Variants in SLC44A5 observed in about 807,000 individuals in gnomAD.
SLC44A5 encodes the protein choline transporter-like protein 5.
A neutral mutation model predicts 101.8 loss-of-function variants in SLC44A5; 57 were observed. That is an observed-to-expected ratio of 0.56 (90% CI 0.45 to 0.70). The LOEUF (loss-of-function observed/expected upper bound fraction) is 0.70, where lower values mean the gene tolerates loss of function less well. Ranked by LOEUF, SLC44A5 falls within the 30% of genes least tolerant of loss-of-function variation. The pLI is 0.00. For synonymous variants in SLC44A5, 281 were observed against 290.9 expected (o/e 0.97, Z 0.35); for missense variants, 737 against 853.1 (o/e 0.86, Z 1.70).
chr1:75,600,785 G>A (rs1349063147), intron 1 of SLC44A5, among the ~76,000 whole-genome samples: 4 of 152,134 alleles, frequency 2.6e-5, no homozygotes, highest in African/African-American at 9.7e-5. Context: ...TAGGAGTGGA[G>A]CAATAGGCTA....
intron 5 of SLC44A5, among the ~76,000 whole-genome samples, chr1:75,296,373 T>C (rs1570602104): frequency 6.6e-6 from 1 of 151,882 alleles, no homozygotes; most frequent in Non-Finnish European, 1.5e-5. Context: ...TTTCTTTTTT[T>C]TTTTTTTTAA....
chr1:75,547,263 C>T (rs1671701508), intron 1 of SLC44A5, among the ~76,000 whole-genome samples: 1 of 152,112 alleles, frequency 6.6e-6, no homozygotes, highest in Non-Finnish European at 1.5e-5. Context: ...TAGCCAACAC[C>T]ATAGCCATCT....
chr1:75,214,729 G>T, intron 19 of SLC44A5, 51 bp from the exon 20 acceptor site: 1 of 1,442,382 alleles, frequency 6.9e-7, no homozygotes, highest in Non-Finnish European at 9.6e-7. Flanking sequence ...ACTCTAACAA[G>T]ATCAAAAGAC....
chr1:75,442,253 T>C (rs1415239056), intron 2 of SLC44A5, among the ~76,000 whole-genome samples: 1 of 152,106 alleles, frequency 6.6e-6, no homozygotes, highest in Non-Finnish European at 1.5e-5. Context: ...AACAAATTTA[T>C]AGCTGCTAAA....
At chr1:75,217,672 T>C (rs1646989848) in intron 18 of SLC44A5, among the ~76,000 whole-genome samples, 194 bp downstream of exon 18, 2 of 152,046 alleles carry the variant, frequency 1.3e-5, no homozygotes, top group African/African-American at 2.4e-5. Flanking sequence ...CTCTCTTTTA[T>C]TCACCACTGT....
At chr1:75,563,936 A>G (rs1672652631) in intron 1 of SLC44A5, among the ~76,000 whole-genome samples, 1 of 152,204 alleles carries the variant, frequency 6.6e-6, no homozygotes, top group Non-Finnish European at 1.5e-5. Context: ...AATAGAGAAT[A>G]TAGGGTAAAA....
the SLC44A5 span, chr1:75,709,857 C>T: frequency 1.3e-5 from 2 of 152,024 alleles, no homozygotes; most frequent in Non-Finnish European, 1.5e-5. Flanking sequence ...ATTTGTAATA[C>T]TCATAAACTA....
chr1:75,510,125 T>C (rs1255538571), intron 2 of SLC44A5, among the ~76,000 whole-genome samples: 1 of 152,062 alleles, frequency 6.6e-6, no homozygotes, highest in Non-Finnish European at 1.5e-5. Context: ...TTCAATTACC[T>C]CCCACTGGGT....
the SLC44A5 span, among the ~76,000 whole-genome samples, chr1:75,637,194 C>T: frequency 5.0e-4 from 76 of 152,108 alleles, 1 homozygote; most frequent in African/African-American, 1.8e-3. Flanking sequence ...CAAAAACTCA[C>T]ACCAATACTT....
intron 3 of SLC44A5, among the ~76,000 whole-genome samples, chr1:75,371,688 T>C (rs78795557): frequency 0.022 from 3,285 of 152,306 alleles, 100 homozygotes; most frequent in African/African-American, 0.065. Flanking sequence ...CAATAAAAGA[T>C]ATATTCATTT....
rs1031062962 is a variant in SLC44A5, at chr1:75,474,078, T to C, written c.13+67357A>G. On this transcript the variant is annotated intron_variant, in intron 2 of 23. Transcript: ENST00000370859. ...AAATGTGAGCAGATTTGCTGCTTCA[T>C]TGAATATTTAACACTGCTTCATTAA... is the stretch of plus-strand genomic sequence containing the variant. 3.9e-5 allele frequency among the ~76,000 whole-genome samples: 6 copies of C among 152,216 alleles called. No homozygotes were observed. The East Asian group carries it at 5.8e-4, about 15-fold the overall frequency.
At position 75,219,322 on chromosome 1, in the gene SLC44A5, G is replaced by T; in HGVS notation, c.1201C>A (p.Pro401Thr). ...CCTGGAGCTATGACTTTGTATACAG[G>T]TACCCCCGATGTCGCCAAGAAACTG... is the stretch of plus-strand genomic sequence containing the variant. ...TAVFLATSGV[P>T]VYKVIAPGGH... Residue 401 changes from proline (P) to threonine (T), a missense_variant, in exon 16 of 24, where the codon CCT becomes ACT. Around this residue, in one of 3 missense-constraint regions of SLC44A5, gnomAD observed 665 missense variants for 764.4 expected, o/e 0.87. Transcript: ENST00000370859. 6.2e-7 allele frequency: 1 copy of T among 1,612,718 alleles called. No homozygotes were observed. Among genetic ancestry groups the T allele is most frequent in the Non-Finnish European group, 8.5e-7 (1 of 1,178,944 alleles).
At chr1:75,327,928 T>A (rs1656730387) in intron 4 of SLC44A5, among the ~76,000 whole-genome samples, 1 of 152,198 alleles carries the variant, frequency 6.6e-6, no homozygotes, top group Admixed American at 6.5e-5. Flanking sequence ...TTAGATCTGG[T>A]AACCTGGCTC....
chr1:75,261,595 G>C (rs1650509669), intron 6 of SLC44A5, among the ~76,000 whole-genome samples: 1 of 152,096 alleles, frequency 6.6e-6, no homozygotes, highest in African/African-American at 2.4e-5. Flanking sequence ...GAGGTACAAA[G>C]AAGAACTGGT....
the SLC44A5 span, among the ~76,000 whole-genome samples, chr1:75,699,455 G>C: frequency 6.6e-6 from 1 of 151,946 alleles, no homozygotes; most frequent in Non-Finnish European, 1.5e-5. Flanking sequence ...CAAATGCTGA[G>C]AGATTTCGTC....
chr1:75,586,114 A>C (rs1438128418), intron 1 of SLC44A5, among the ~76,000 whole-genome samples: 1 of 152,222 alleles, frequency 6.6e-6, no homozygotes, highest in Non-Finnish European at 1.5e-5. Context: ...GCCAAAGTTA[A>C]GCAGATTGTC....
chr1:75,657,290 T>C, the SLC44A5 span, among the ~76,000 whole-genome samples: 1 of 152,166 alleles, frequency 6.6e-6, no homozygotes, highest in African/African-American at 2.4e-5. Flanking sequence ...GGTTCATACA[T>C]GTAATACCAG....
chr1:75,258,573 T>A (rs1025557288), intron 6 of SLC44A5, among the ~76,000 whole-genome samples: 1 of 152,054 alleles, frequency 6.6e-6, no homozygotes, highest in African/African-American at 2.4e-5. Flanking sequence ...ACAGAGCACC[T>A]GGAGGAAGGG....
intron 4 of SLC44A5, among the ~76,000 whole-genome samples, chr1:75,334,839 T>G (rs1427588896): frequency 6.6e-6 from 1 of 152,202 alleles, no homozygotes. Context: ...AAATTCTCTC[T>G]TCTGAAAAAT....
Sources: allele counts gnomAD v4.1 joint callset (sites outside exome capture counted in the v4.1 genomes callset), GRCh38; gene constraint gnomAD v4.1.1; regional missense constraint gnomAD v4.1.1; transcripts MANE v1.5; gene names NCBI Gene and HGNC (gene_info 2026-07-23, HGNC 2026-07-21).